LRP1B: variants seen among roughly 807,000 people sequenced by gnomAD.
LRP1B encodes LDL receptor related protein 1B.
LRP1B carries 217 observed loss-of-function variants against 556.6 expected under a neutral mutation model. The observed-to-expected ratio is 0.39, with a 90% CI of 0.35 to 0.44. The LOEUF is 0.44. LRP1B is among the 20% of genes least tolerant of loss of function. LRP1B has a pLI of 1.00. For missense variants in LRP1B, 5,053 were observed against 5,620.8 expected (o/e 0.90, Z 3.23); for synonymous variants, 2,047 against 1,865.8 (o/e 1.10, Z -2.50).
At chr2:141,178,202 G>A (rs546551687) in intron 7 of LRP1B, among the ~76,000 whole-genome samples, 159 of 152,182 alleles carry the variant, frequency 1.0e-3, no homozygotes, top group African/African-American at 3.7e-3. Context: ...CCAACTTCAG[G>A]TGTAGTGTGG....
intron 11 of LRP1B, among the ~76,000 whole-genome samples, chr2:141,029,204 C>T (rs1211839007): frequency 6.6e-6 from 1 of 152,122 alleles, no homozygotes; most frequent in African/African-American, 2.4e-5. Context: ...AGAAAAACAA[C>T]TTAAATAGCC....
intron 32 of LRP1B, among the ~76,000 whole-genome samples, chr2:140,789,703 T>C (rs1383413882): frequency 1.5e-5 from 2 of 134,046 alleles, no homozygotes; most frequent in Non-Finnish European, 3.1e-5. Context: ...GGATCTCGGC[T>C]CACTGCAAGC....
intron 83 of LRP1B, among the ~76,000 whole-genome samples, chr2:140,299,377 TAA>T (rs1158764046): frequency 6.6e-6 from 1 of 152,100 alleles, no homozygotes; most frequent in African/African-American, 2.4e-5. Flanking sequence ...ATGAACAAAG[TAA>T]TATACATTTT....
chr2:140,272,255 AC>A (rs1682493460), intron 85 of LRP1B, among the ~76,000 whole-genome samples: 2 of 75,886 alleles, frequency 2.6e-5, no homozygotes, highest in South Asian at 5.6e-4. Context: ...ATGTGCACAC[AC>A]AAACACACAC....
intron 2 of LRP1B, among the ~76,000 whole-genome samples, chr2:141,578,906 G>T (rs1015329527): frequency 1.3e-5 from 2 of 152,164 alleles, no homozygotes; most frequent in African/African-American, 4.8e-5. Flanking sequence ...AAGGAACTGA[G>T]TTGTAAGCAA....
intron 1 of LRP1B, among the ~76,000 whole-genome samples, chr2:141,970,410 A>T (rs768663412): frequency 1.3e-5 from 2 of 151,538 alleles, no homozygotes; most frequent in African/African-American, 2.4e-5. Flanking sequence ...ATGAATGATG[A>T]TGTACAGCGT....
chr2:140,285,413 A>G (rs1683107719), intron 84 of LRP1B, among the ~76,000 whole-genome samples: 1 of 151,156 alleles, frequency 6.6e-6, no homozygotes. Context: ...AGAGAGAGAT[A>G]TTTCTACACT....
chr2:140,401,777 T>C (rs1684515132), intron 66 of LRP1B, among the ~76,000 whole-genome samples: 1 of 152,230 alleles, frequency 6.6e-6, no homozygotes, highest in Non-Finnish European at 1.5e-5. Flanking sequence ...ATAGTGTCTC[T>C]AGGTAGAATA....
chr2:141,104,470 G>A (rs1388293237), intron 7 of LRP1B, among the ~76,000 whole-genome samples: 1 of 151,984 alleles, frequency 6.6e-6, no homozygotes, highest in Non-Finnish European at 1.5e-5. Flanking sequence ...TCATTTTACT[G>A]CTAAAACAGC....
At chr2:141,535,228 T>C (rs1170042465) in intron 2 of LRP1B, among the ~76,000 whole-genome samples, 1 of 152,142 alleles carries the variant, frequency 6.6e-6, no homozygotes, top group Non-Finnish European at 1.5e-5. Flanking sequence ...CTTCCTCAAA[T>C]GGGTTCATGT....
At chr2:141,110,586 G>A (rs1248932132) in intron 7 of LRP1B, among the ~76,000 whole-genome samples, 1 of 151,908 alleles carries the variant, frequency 6.6e-6, no homozygotes, top group Non-Finnish European at 1.5e-5. Flanking sequence ...GTTTCCATAG[G>A]AAAGACAAAT....
intron 1 of LRP1B, among the ~76,000 whole-genome samples, chr2:141,836,441 AT>A (rs931645455): frequency 1.2e-4 from 18 of 151,506 alleles, no homozygotes; most frequent in South Asian, 2.1e-4. Flanking sequence ...TGACTATCCT[AT>A]TTTTTTTCTC....
intron 25 of LRP1B, among the ~76,000 whole-genome samples, chr2:140,881,471 A>G (rs1033117580): frequency 1.3e-5 from 2 of 152,060 alleles, no homozygotes; most frequent in Non-Finnish European, 2.9e-5. Flanking sequence ...TTTATATCTT[A>G]ATCATATTAA....
At chr2:140,597,035 G>T (rs3793148) in intron 43 of LRP1B, among the ~76,000 whole-genome samples, 17,073 of 151,924 alleles carry the variant, frequency 0.11, 1,275 homozygotes, top group Admixed American at 0.18. Context: ...GCAAAATAAA[G>T]AATTTTTAAA....
At chr2:141,166,317 A>G (rs913682472) in intron 7 of LRP1B, among the ~76,000 whole-genome samples, 2 of 148,844 alleles carry the variant, frequency 1.3e-5, no homozygotes, top group African/African-American at 4.9e-5. Context: ...AACATCTTAA[A>G]TGTCCTCTTC....
intron 66 of LRP1B, among the ~76,000 whole-genome samples, chr2:140,432,536 A>G (rs1170132559): frequency 2.0e-5 from 3 of 152,208 alleles, no homozygotes; most frequent in Admixed American, 6.5e-5. Flanking sequence ...GTCTGTTTGT[A>G]TCAAGAATCT....
At chr2:141,890,013 G>C (rs1225106472) in intron 1 of LRP1B, among the ~76,000 whole-genome samples, 1 of 136,718 alleles carries the variant, frequency 7.3e-6, no homozygotes, top group Non-Finnish European at 1.5e-5. Flanking sequence ...TGCCTCTACT[G>C]GGCGCTTTAT....
chr2:140,766,711 T>C (rs1214896351), intron 35 of LRP1B, among the ~76,000 whole-genome samples: 1 of 150,630 alleles, frequency 6.6e-6, no homozygotes, highest in Non-Finnish European at 1.5e-5. Flanking sequence ...AGAAACACCC[T>C]TTTTTCTATT....
chr2:140,743,340 T>G (rs1417278544), intron 35 of LRP1B, among the ~76,000 whole-genome samples: 1 of 152,096 alleles, frequency 6.6e-6, no homozygotes, highest in East Asian at 1.9e-4. Context: ...GATTCATACA[T>G]TTGACCTTCT....
Sources: allele counts gnomAD v4.1 joint callset (sites outside exome capture counted in the v4.1 genomes callset), GRCh38; gene constraint gnomAD v4.1.1; transcripts MANE v1.5; gene names NCBI Gene and HGNC (gene_info 2026-07-23, HGNC 2026-07-21).